NEURL1: variants seen among roughly 807,000 people sequenced by gnomAD.
NEURL1 encodes the protein E3 ubiquitin-protein ligase NEURL1.
In NEURL1, 26 loss-of-function variants were observed where a neutral mutation model predicts 41.2. The observed-to-expected ratio is 0.63, with a 90% confidence interval of 0.46 to 0.87. NEURL1 has a LOEUF of 0.87. Among genes scored for constraint, NEURL1 ranks in the 40% least tolerant of loss-of-function variants. NEURL1 has a pLI of 0.00. For missense variants in NEURL1, 761 were observed against 871.1 expected (o/e 0.87, Z 1.59); for synonymous variants, 400 against 402.3 (o/e 0.99, Z 0.07).
intron 1 of NEURL1, among the ~76,000 whole-genome samples, chr10:103,560,838 CCT>C (rs1389468331): frequency 6.6e-6 from 1 of 152,304 alleles, no homozygotes; most frequent in South Asian, 2.1e-4. Flanking sequence ...CCTCTCAGAG[CCT>C]CTGTTTCCTT....
chr10:103,585,639 C>T (rs903077171), intron 4 of NEURL1, among the ~76,000 whole-genome samples: 5 of 152,092 alleles, frequency 3.3e-5, no homozygotes, highest in African/African-American at 4.8e-5. Flanking sequence ...TCAAGACCAT[C>T]CTGGCTAACA....
intron 1 of NEURL1, among the ~76,000 whole-genome samples, chr10:103,524,731 C>G (rs2034426043): frequency 6.6e-6 from 1 of 152,216 alleles, no homozygotes; most frequent in South Asian, 2.1e-4. Flanking sequence ...TTCTTGTCAC[C>G]TTTATTGAAA....
Position 103,558,367 on chromosome 10 carries a change from T to C in NEURL1, c.86-12505T>C, listed in dbSNP as rs753588942. The C allele has an allele frequency of 2.0e-4, 80 of 403,406 alleles. No homozygotes were observed. The highest frequency in any genetic ancestry group is 2.4e-4 in the Non-Finnish European group (72 of 297,988). The allele number at this position is 403,406 out of a possible 1,614,324, so 25.0% of individuals were successfully genotyped here. ...TCTCTGAGCTTCTGATGTCAACAGA[T>C]GTGTATCTGTGTTTTAGATCTCTGT... On this transcript the variant is annotated intron_variant, in intron 1 of 5. Transcript: ENST00000369780. The surrounding 1 kb of genome is among the most constrained non-coding windows in gnomAD (Gnocchi z 4.2).
At chr10:103,541,136 G>C (rs1307772466) in intron 1 of NEURL1, among the ~76,000 whole-genome samples, 3 of 152,210 alleles carry the variant, frequency 2.0e-5, no homozygotes, top group Non-Finnish European at 2.9e-5. Flanking sequence ...GTGTAGGAAG[G>C]ATTAGGGATG....
At chr10:103,559,037 G>A (rs1350519035) in intron 1 of NEURL1, among the ~76,000 whole-genome samples, 1 of 152,108 alleles carries the variant, frequency 6.6e-6, no homozygotes, top group East Asian at 1.9e-4. Flanking sequence ...CCAGGAAAGG[G>A]AAATGGCTAA....
intron 1 of NEURL1, among the ~76,000 whole-genome samples, chr10:103,564,695 T>C (rs2035380082): frequency 6.6e-6 from 1 of 152,178 alleles, no homozygotes; most frequent in Admixed American, 6.5e-5. Flanking sequence ...CCTTCATTCG[T>C]AGAATAGGGA....
chr10:103,534,180 A>ATTTTTTTTTTTTTTT (rs35899711), intron 1 of NEURL1, among the ~76,000 whole-genome samples: 1 of 138,656 alleles, frequency 7.2e-6, no homozygotes. Flanking sequence ...GTCTATCTGT[A>ATTTTTTTTTTTTTTT]TTTTTTTTTT....
At chr10:103,552,348 A>G (rs1445762799) in intron 1 of NEURL1, among the ~76,000 whole-genome samples, 1 of 152,108 alleles carries the variant, frequency 6.6e-6, no homozygotes, top group Non-Finnish European at 1.5e-5. Flanking sequence ...CTGGCTCGGC[A>G]ATGGAGCGTT....
At chr10:103,563,783 AG>A (rs2035357990) in intron 1 of NEURL1, among the ~76,000 whole-genome samples, 1 of 152,200 alleles carries the variant, frequency 6.6e-6, no homozygotes, top group Admixed American at 6.5e-5. Context: ...GAGGAAAGTG[AG>A]GCTCCCAAGG....
intron 1 of NEURL1, among the ~76,000 whole-genome samples, chr10:103,529,858 A>G (rs377582964): frequency 6.6e-6 from 1 of 152,182 alleles, no homozygotes; most frequent in African/African-American, 2.4e-5. Flanking sequence ...GTGATTCACC[A>G]TGGAAGATGT....
chr10:103,517,426 A>C (rs1390316910), intron 1 of NEURL1: 2 of 152,276 alleles, frequency 1.3e-5, no homozygotes, highest in Non-Finnish European at 2.9e-5. Flanking sequence ...CCTGAGCCCC[A>C]AGACCCACAG....
chr10:103,520,269 A>G (rs2034317021), intron 1 of NEURL1, among the ~76,000 whole-genome samples: 3 of 152,184 alleles, frequency 2.0e-5, no homozygotes, highest in South Asian at 4.1e-4. Context: ...AAAGCTGTAT[A>G]TTTCACCTGG....
intron 4 of NEURL1, among the ~76,000 whole-genome samples, chr10:103,589,094 A>G (rs1253428964): frequency 6.6e-6 from 1 of 152,182 alleles, no homozygotes; most frequent in Non-Finnish European, 1.5e-5. Context: ...ACAGTGGTGA[A>G]GAGCTCAGGG....
At chr10:103,563,354 T>C (rs2035347648) in intron 1 of NEURL1, among the ~76,000 whole-genome samples, 1 of 151,936 alleles carries the variant, frequency 6.6e-6, no homozygotes, top group African/African-American at 2.4e-5. Flanking sequence ...TCCAGAGAGG[T>C]GAAGCAACTT....
chr10:103,515,533 T>C (rs2034184343), intron 1 of NEURL1: 1 of 152,270 alleles, frequency 6.6e-6, no homozygotes, highest in African/African-American at 2.4e-5. Context: ...ACTGCTCTTT[T>C]AGCAGTCATG....
At position 103,528,966 on chromosome 10, in the gene NEURL1, T is replaced by G. The variant is rs544473377; in HGVS notation, c.85+34494T>G. Among the ~76,000 whole-genome samples, 17 of 152,326 alleles carry G rather than the reference T, an allele frequency of 1.1e-4. No individual in the cohort carries two copies. In the South Asian group the frequency reaches 3.5e-3, roughly 32 times the overall value. ...CAGATTTTTATATTACCTATTTCTC[T>G]TGTTTCTTCTGAGCAGCAGCCAGAA... is the stretch of plus-strand genomic sequence containing the variant. On this transcript the variant is annotated intron_variant, in intron 1 of 5. Coordinates refer to ENST00000369780, the MANE Select transcript of NEURL1 (RefSeq NM_004210.5).
chr10:103,502,737 C>A (rs775323110), intron 1 of NEURL1, among the ~76,000 whole-genome samples: 2 of 152,106 alleles, frequency 1.3e-5, no homozygotes, highest in East Asian at 3.9e-4. Flanking sequence ...GGAGGCAGGA[C>A]GAGCAAAAGC....
At chr10:103,587,744 G>C (rs890095588) in intron 4 of NEURL1, among the ~76,000 whole-genome samples, 1 of 152,210 alleles carries the variant, frequency 6.6e-6, no homozygotes, top group Non-Finnish European at 1.5e-5. Context: ...ATGTTGTTCT[G>C]AAAATTCTGG....
At position 103,590,319 on chromosome 10, in the gene NEURL1, C is replaced by T; in HGVS notation, c.1672C>T (p.Pro558Ser). ...RLKKALHACCPICRRPIKDII... is the reference protein window; with the variant it reads ...RLKKALHACCSICRRPIKDII... The stretch of plus-strand genomic sequence containing the variant: ...CAAGAAGGCTCTGCACGCCTGCTGC[C>T]CCATCTGCCGCCGCCCCATCAAGGA... Residue 558 changes from proline (P) to serine (S), a missense_variant, in exon 6 of 6, where the codon CCC (proline) becomes TCC (serine). By Grantham distance (74) the Pro-to-Ser change is moderately conservative (BLOSUM62 -1). This residue lies in a region of NEURL1 where 45 missense variants were observed against 89.9 expected (regional missense o/e 0.50). Coordinates refer to ENST00000369780, the MANE Select transcript of NEURL1 (RefSeq NM_004210.5). 6.2e-7 allele frequency: 1 copy of T among 1,614,136 alleles called. No individual in the cohort carries two copies. Among genetic ancestry groups the T allele is most frequent in the Non-Finnish European group, 8.5e-7 (1 of 1,180,014 alleles).
Sources: allele counts gnomAD v4.1 joint callset (sites outside exome capture counted in the v4.1 genomes callset), GRCh38; gene constraint gnomAD v4.1.1; regional missense constraint gnomAD v4.1.1; non-coding constraint Gnocchi (gnomAD v3.1); transcripts MANE v1.5; gene names NCBI Gene and HGNC (gene_info 2026-07-23, HGNC 2026-07-21).